DDAH1: variants seen among roughly 807,000 people sequenced by gnomAD.
The protein encoded by DDAH1 is dimethylarginine dimethylaminohydrolase 1, also known as N(G),N(G)-dimethylarginine dimethylaminohydrolase 1.
In DDAH1, 19 loss-of-function variants were observed where a neutral mutation model predicts 28.8. That is an observed-to-expected ratio of 0.66 (90% CI 0.46 to 0.97). The LOEUF (loss-of-function observed/expected upper bound fraction) is 0.97. Ranked by LOEUF, DDAH1 falls within the 50% of genes least tolerant of loss-of-function variation. DDAH1 has a pLI of 0.00. For synonymous variants in DDAH1, 153 were observed against 154.4 expected (o/e 0.99, Z 0.07); for missense variants, 326 against 375.9 (o/e 0.87, Z 1.10).
At chr1:85,573,899 G>A (rs1659525809) in intron 1 of DDAH1, among the ~76,000 whole-genome samples, 1 of 152,216 alleles carries the variant, frequency 6.6e-6, no homozygotes, top group Non-Finnish European at 1.5e-5. Flanking sequence ...TTCACAGGTG[G>A]CTGGGAGTTA....
intron 1 of DDAH1, among the ~76,000 whole-genome samples, chr1:85,540,051 T>C (rs1436955619): frequency 1.3e-5 from 2 of 152,130 alleles, no homozygotes; most frequent in African/African-American, 4.8e-5. Context: ...TTCCATTGAT[T>C]CAATAATCTC....
At chr1:85,420,674 TCA>T (rs1203036122) in intron 1 of DDAH1, among the ~76,000 whole-genome samples, 1 of 152,190 alleles carries the variant, frequency 6.6e-6, no homozygotes, top group African/African-American at 2.4e-5. Flanking sequence ...AGCATTTTGG[TCA>T]CAGTCATTTA....
chr1:85,370,717 A>G (rs1333014040), intron 1 of DDAH1, among the ~76,000 whole-genome samples: 1 of 152,118 alleles, frequency 6.6e-6, no homozygotes, highest in Non-Finnish European at 1.5e-5. Flanking sequence ...GTGGGGGTGA[A>G]GGAAAGGAAG....
At chr1:85,489,337 CT>C (rs1206378683) in intron 2 of DDAH1, among the ~76,000 whole-genome samples, 1 of 152,094 alleles carries the variant, frequency 6.6e-6, no homozygotes, top group African/African-American at 2.4e-5. Flanking sequence ...GAGTAAATGT[CT>C]GTAAAATATG....
intron 4 of DDAH1, among the ~76,000 whole-genome samples, chr1:85,327,299 G>A (rs1023730831): frequency 3.9e-5 from 6 of 152,154 alleles, no homozygotes; most frequent in African/African-American, 1.4e-4. Context: ...TCCAGCCTGA[G>A]CCACAGATAA....
chr1:85,442,392 T>C (rs1247152469), intron 1 of DDAH1, among the ~76,000 whole-genome samples: 1 of 152,196 alleles, frequency 6.6e-6, no homozygotes, highest in Non-Finnish European at 1.5e-5. Flanking sequence ...TATTCCATGG[T>C]GTATATGTGC....
rs560681614 is a variant in DDAH1, at chr1:85,447,442, G to A, written c.303+17301C>T. ...ACAAGGAAGCTTAAGATAAACCAGAGAATTGAATGAAGCAAGTGGACAGTG... is the reference window on the plus strand; with the variant it reads ...ACAAGGAAGCTTAAGATAAACCAGAAAATTGAATGAAGCAAGTGGACAGTG... On this transcript the variant is annotated intron_variant, in intron 1 of 5. Coordinates refer to ENST00000284031, the MANE Select transcript of DDAH1 (RefSeq NM_012137.4). Among the ~76,000 whole-genome samples the A allele has an allele frequency of 3.3e-5, 5 of 152,298 alleles. No individual in the cohort carries two copies. The South Asian group carries it at 8.3e-4, about 25-fold the overall frequency.
At chr1:85,430,226 T>C (rs2100633252) in intron 1 of DDAH1, among the ~76,000 whole-genome samples, 1 of 152,328 alleles carries the variant, frequency 6.6e-6, no homozygotes, top group Non-Finnish European at 1.5e-5. Context: ...TGGTGTTATT[T>C]CTGAGGGCTC....
chr1:85,417,236 G>C (rs1416191316), intron 1 of DDAH1, among the ~76,000 whole-genome samples: 1 of 152,218 alleles, frequency 6.6e-6, no homozygotes, highest in Non-Finnish European at 1.5e-5. Flanking sequence ...ACAGCGTGCA[G>C]CCAGGAGTTG....
intron 1 of DDAH1, among the ~76,000 whole-genome samples, chr1:85,409,581 C>T (rs1182661565): frequency 6.6e-6 from 1 of 152,074 alleles, no homozygotes. Context: ...ACGTTGTTTA[C>T]CTTTTTCCAC....
chr1:85,504,797 T>C (rs775849665), intron 1 of DDAH1, among the ~76,000 whole-genome samples: 2 of 152,058 alleles, frequency 1.3e-5, no homozygotes, highest in Non-Finnish European at 2.9e-5. Flanking sequence ...ATAAGGATGA[T>C]GGCAATGTTT....
chr1:85,333,932 A>G (rs1647941922), intron 4 of DDAH1, among the ~76,000 whole-genome samples: 1 of 152,224 alleles, frequency 6.6e-6, no homozygotes, highest in Non-Finnish European at 1.5e-5. Context: ...AGGAAGCTCA[A>G]AGATTCCAAA....
At chr1:85,469,664 G>T (rs1655549978), upstream of DDAH1, among the ~76,000 whole-genome samples, 1 of 152,156 alleles carries the variant, frequency 6.6e-6, no homozygotes, top group Admixed American at 6.5e-5. Flanking sequence ...GCTGCTTGAA[G>T]GTATGCTTTC....
chr1:85,514,149 T>C (rs11806789), intron 1 of DDAH1, among the ~76,000 whole-genome samples: 22,750 of 152,130 alleles, frequency 0.15, 2,000 homozygotes, highest in South Asian at 0.25. Flanking sequence ...GTGGCACATA[T>C]ACACCATGGA....
intron 1 of DDAH1, among the ~76,000 whole-genome samples, chr1:85,384,747 A>G (rs193108063): frequency 8.2e-4 from 125 of 152,348 alleles, no homozygotes; most frequent in African/African-American, 2.9e-3. Context: ...TTTCTCATTT[A>G]AACAATGAGG....
intron 1 of DDAH1, among the ~76,000 whole-genome samples, chr1:85,421,987 T>C (rs1006409319): frequency 1.3e-5 from 2 of 152,210 alleles, no homozygotes; most frequent in Non-Finnish European, 2.9e-5. Flanking sequence ...GGTAAGATCA[T>C]GTTTAGCTTT....
At chr1:85,482,037 G>A (rs1656031431) in intron 2 of DDAH1, among the ~76,000 whole-genome samples, 2 of 152,334 alleles carry the variant, frequency 1.3e-5, no homozygotes, top group African/African-American at 4.8e-5. Context: ...CAATAATCCT[G>A]TTAGTTTGTC....
intron 1 of DDAH1, among the ~76,000 whole-genome samples, chr1:85,513,335 T>C (rs1657315760): frequency 6.6e-6 from 1 of 152,166 alleles, no homozygotes; most frequent in African/African-American, 2.4e-5. Context: ...CCTTATACCT[T>C]ATACAAAAAT....
At chr1:85,573,942 T>C (rs571996234) in intron 1 of DDAH1, among the ~76,000 whole-genome samples, 6 of 152,326 alleles carry the variant, frequency 3.9e-5, no homozygotes, top group African/African-American at 1.4e-4. Context: ...TTCTTAGAGA[T>C]ATTCAGTCCA....
Sources: gnomAD v4.1 joint callset for allele counts (sites outside exome capture counted in the v4.1 genomes callset) on GRCh38, gnomAD v4.1.1 for gene constraint, MANE v1.5 for transcripts, NCBI Gene and HGNC (gene_info 2026-07-23, HGNC 2026-07-21) for gene names.